Variants in CENPE observed in about 807,000 individuals in gnomAD.
CENPE encodes the protein centromere-associated protein E.
Under a neutral mutation model 336.1 loss-of-function variants are expected in CENPE, and 145 were observed. The ratio of observed to expected loss-of-function variants is 0.43; its 90% CI spans 0.38 to 0.50. The LOEUF (loss-of-function observed/expected upper bound fraction) is 0.50. Ranked by LOEUF, CENPE falls within the 20% of genes least tolerant of loss-of-function variation. The probability of loss-of-function intolerance (pLI) is 0.00; values close to 1 mark genes in which losing one functional copy is unlikely to be tolerated. For synonymous variants in CENPE, 1,013 were observed against 984.8 expected (o/e 1.03, Z -0.54); for missense variants, 2,719 against 3,023.3 (o/e 0.90, Z 2.36).
In CENPE at chr4:103,136,291, C is replaced by T. The variant is rs777063765; in HGVS notation, c.6372G>A (p.Leu2124=). 4 of 1,613,358 alleles carry T rather than the reference C, an allele frequency of 2.5e-6. No homozygotes were observed. The South Asian group carries it at 3.3e-5, about 13-fold the overall frequency. The change falls in exon 40 of 49, where the codon TTG becomes TTA. Residue 2124 remains leucine, a synonymous_variant. Coordinates refer to ENST00000265148, the MANE Select transcript of CENPE (RefSeq NM_001813.3). ...YECLNRLSLD[L]EKEIEFQKEL... ...CTTTTTGGAATTCAATTTCCTTCTC[C>T]AAGTCAAGAGACAATCTATTCAAGC...
At position 103,194,741 on chromosome 4, in the gene CENPE, T is replaced by A. The variant is rs2010106118; in HGVS notation, c.478-57A>T. On this transcript the variant is annotated intron_variant, in intron 5 of 48. Transcript: ENST00000265148. Reference sequence around the variant, plus strand: ...GAAATAGAAGTCACAAGTTTGCTTTTCAAAAGAAGGTGCAAACTATTATAG... The same window carrying A: ...GAAATAGAAGTCACAAGTTTGCTTTACAAAAGAAGGTGCAAACTATTATAG... 2.9e-5 allele frequency: 39 copies of A among 1,365,802 alleles called. 1 individual carries two copies. In the South Asian group the frequency reaches 5.0e-4, roughly 18 times the overall value. The allele number at this position is 1,365,802 out of a possible 1,614,324, so 84.6% of individuals were successfully genotyped here.
At chr4:103,197,280 C>G (rs138991632) in intron 1 of CENPE, among the ~76,000 whole-genome samples, 1 of 152,318 alleles carries the variant, frequency 6.6e-6, no homozygotes, top group African/African-American at 2.4e-5. Flanking sequence ...ACAGATGTAA[C>G]CTCTCTGTGC....
intron 29 of CENPE, among the ~76,000 whole-genome samples, chr4:103,146,846 T>C (rs149876512): frequency 2.0e-5 from 3 of 152,160 alleles, no homozygotes; most frequent in Non-Finnish European, 4.4e-5. Context: ...AGAAATGATG[T>C]TGACTTGGAT....
chr4:103,198,045 T>G (rs912312519), intron 1 of CENPE, among the ~76,000 whole-genome samples: 1 of 152,238 alleles, frequency 6.6e-6, no homozygotes, highest in African/African-American at 2.4e-5. Flanking sequence ...TCAGCGAGAC[T>G]GAGTTAAATT....
chr4:103,125,554 A>C (rs1358459618), intron 42 of CENPE, among the ~76,000 whole-genome samples: 1 of 152,066 alleles, frequency 6.6e-6, no homozygotes, highest in Non-Finnish European at 1.5e-5. Flanking sequence ...CTAGTTTAGC[A>C]TTTTAGGTGT....
At chr4:103,177,417 C>A (rs924006367) in intron 13 of CENPE, among the ~76,000 whole-genome samples, 1 of 151,928 alleles carries the variant, frequency 6.6e-6, no homozygotes, top group Non-Finnish European at 1.5e-5. Flanking sequence ...GGTTTCATAG[C>A]CACCATTCTT....
At position 103,176,882 on chromosome 4, in the gene CENPE, T is replaced by C; in HGVS notation, c.1390+17A>G. ...CTTTTATAATTAAACATAGTTCCAC[T>C]TGAAAAAAGCACTCACATTCATCAA... On this transcript the variant is annotated intron_variant, in intron 14 of 48. Transcript: ENST00000265148. 1.9e-6 allele frequency: 3 copies of C among 1,551,794 alleles called. No homozygotes were observed. Among genetic ancestry groups the C allele is most frequent in the South Asian group, 1.2e-5 (1 of 83,672 alleles).
chr4:103,171,826 C>T (rs921221875), intron 16 of CENPE, among the ~76,000 whole-genome samples: 14 of 151,112 alleles, frequency 9.3e-5, no homozygotes, highest in Non-Finnish European at 1.8e-4. Context: ...ATTGATACCA[C>T]AGAAATACAA....
chr4:103,164,754 T>G (rs904930335), intron 16 of CENPE, among the ~76,000 whole-genome samples: 4 of 152,146 alleles, frequency 2.6e-5, no homozygotes, highest in Non-Finnish European at 5.9e-5. Flanking sequence ...CCATTTCAAG[T>G]GCTTAATTGC....
At chr4:103,121,477 CCTTA>C (rs1750613250) in intron 43 of CENPE, among the ~76,000 whole-genome samples, 1 of 151,632 alleles carries the variant, frequency 6.6e-6, no homozygotes, top group South Asian at 2.1e-4. Flanking sequence ...AGGAATCCAG[CCTTA>C]CTTTTTTCCA....
At chr4:103,176,549 C>G (rs1300666477) in intron 14 of CENPE, among the ~76,000 whole-genome samples, 3 of 151,870 alleles carry the variant, frequency 2.0e-5, no homozygotes, top group Non-Finnish European at 2.9e-5. Context: ...CTTATGATTA[C>G]TTTCTATTTA....
rs138716747 is a variant in CENPE, at chr4:103,164,954, T to A, written c.1648-1401A>T. Among the ~76,000 whole-genome samples, 10 of 152,244 alleles carry A rather than the reference T, an allele frequency of 6.6e-5. No homozygotes were observed. The East Asian group carries it at 1.7e-3, about 26-fold the overall frequency. ...TTAAAAATACTTAGAAGAGATCGGGTGCATTCAGGGTAGTATGGCCATAGA... is the reference window on the plus strand; with the variant it reads ...TTAAAAATACTTAGAAGAGATCGGGAGCATTCAGGGTAGTATGGCCATAGA... On this transcript the variant is annotated intron_variant, in intron 16 of 48. Transcript: ENST00000265148.
At position 103,132,710 on chromosome 4, in the gene CENPE, A is replaced by T. The variant is rs141354341; in HGVS notation, c.6907T>A (p.Phe2303Ile). Residue 2303 changes from phenylalanine (F) to isoleucine (I), a missense_variant, in exon 42 of 49, where the codon TTT becomes ATT. This residue lies in a region of CENPE where 2,437 missense variants were observed against 2,513.3 expected (regional missense o/e 0.97). Coordinates refer to ENST00000265148, the MANE Select transcript of CENPE (RefSeq NM_001813.3). ...ATACTTACAATTATTCTGTTATTAA[A>T]GAAGTTATTCACTTGACAAATCCTA... Reference protein sequence around the residue: ...NDRICQVNNFFNNRIIAIMNE... With the variant: ...NDRICQVNNFINNRIIAIMNE... 518 of 1,528,260 alleles carry T rather than the reference A, an allele frequency of 3.4e-4. 3 individuals are homozygous for T. In the Middle Eastern group the frequency reaches 0.011, roughly 31 times the overall value. 94.7% of individuals were successfully genotyped at this position (1,528,260 alleles called of 1,614,324 possible). A position where few individuals can be genotyped will look rare whatever the true frequency, so the allele number is the denominator to read the frequency against.
intron 16 of CENPE, among the ~76,000 whole-genome samples, chr4:103,172,903 G>A (rs1755530749): frequency 6.6e-6 from 1 of 151,944 alleles, no homozygotes; most frequent in Admixed American, 6.6e-5. Context: ...TCATGGATTG[G>A]AAGAATATTG....
At chr4:103,113,764 T>C (rs1049401922) in intron 46 of CENPE, among the ~76,000 whole-genome samples, 7 of 149,740 alleles carry the variant, frequency 4.7e-5, no homozygotes, top group African/African-American at 1.7e-4. Flanking sequence ...ACATATATGC[T>C]TATAAGTTAG....
intron 26 of CENPE, among the ~76,000 whole-genome samples, chr4:103,150,016 T>G (rs746584644): frequency 3.3e-5 from 5 of 151,988 alleles, no homozygotes; most frequent in Non-Finnish European, 7.4e-5. Context: ...AAGGGGAAGA[T>G]GAGATAAAGT....
intron 8 of CENPE, among the ~76,000 whole-genome samples, chr4:103,187,021 T>A (rs750128367): frequency 2.0e-5 from 3 of 152,172 alleles, no homozygotes; most frequent in Admixed American, 6.5e-5. Context: ...GGGGCCAGAT[T>A]ATGCAGGACT....
rs753598441 is a variant in CENPE, at chr4:103,136,366, G to A, written c.6304-7C>T. ...AGTATCTCTTCAAAAGCTCCTAAAGGAAATGAGAATTCACTCAATTTATAA... is the reference window on the plus strand; with the variant it reads ...AGTATCTCTTCAAAAGCTCCTAAAGAAAATGAGAATTCACTCAATTTATAA... On this transcript the variant is annotated splice_polypyrimidine_tract_variant and splice_region_variant and intron_variant, in intron 39 of 48. Transcript: ENST00000265148. The A allele has an allele frequency of 1.9e-6, 3 of 1,580,350 alleles. No individual in the cohort carries two copies. The highest frequency in any genetic ancestry group is 2.3e-5 in the South Asian group (2 of 88,478).
At position 103,151,340 on chromosome 4, in the gene CENPE, T is replaced by C. The variant is rs772628190; in HGVS notation, c.3275A>G (p.Asp1092Gly). The C allele has an allele frequency of 2.5e-6, 4 of 1,597,608 alleles. No homozygotes were observed. In the East Asian group the frequency reaches 9.0e-5, roughly 36 times the overall value. ...TATCTCTTGTTGCTTTTTAAGTTCA[T>C]CCCCAAGAAGTCTTAATTCTTCCTG... is the stretch of plus-strand genomic sequence containing the variant. ...ENQEELRLLG[D>G]ELKKQQEIVA... Residue 1092 changes from aspartate to glycine, a missense_variant, in exon 26 of 49, where the codon GAT becomes GGT. This residue lies in a region of CENPE where 2,437 missense variants were observed against 2,513.3 expected (regional missense o/e 0.97). Coordinates refer to ENST00000265148, the MANE Select transcript of CENPE (RefSeq NM_001813.3).
Sources: allele counts gnomAD v4.1 joint callset (sites outside exome capture counted in the v4.1 genomes callset), GRCh38; gene constraint gnomAD v4.1.1; regional missense constraint gnomAD v4.1.1; transcripts MANE v1.5; gene names NCBI Gene and HGNC (gene_info 2026-07-23, HGNC 2026-07-21).